The following PDE4D variants were observed in gnomAD, a reference collection of about 807,000 sequenced individuals.
PDE4D encodes 3',5'-cyclic-AMP phosphodiesterase 4D.
PDE4D carries 24 observed loss-of-function variants against 87.4 expected under a neutral mutation model. The ratio of observed to expected loss-of-function variants is 0.27; its 90% CI spans 0.20 to 0.39. The LOEUF (loss-of-function observed/expected upper bound fraction) is 0.39, where lower values mean the gene tolerates loss of function less well. Among genes scored for constraint, PDE4D ranks in the 10% least tolerant of loss-of-function variants. PDE4D has a pLI of 1.00. For missense variants in PDE4D, 714 were observed against 1,041.0 expected, an observed-to-expected ratio of 0.69 and a Z score of 4.32; for synonymous variants, 384 against 383.2, an observed-to-expected ratio of 1.00 and a Z score of -0.02.
intron 2 of PDE4D, among the ~76,000 whole-genome samples, chr5:60,163,205 C>T (rs1344242456): frequency 6.6e-6 from 1 of 152,178 alleles, no homozygotes; most frequent in East Asian, 1.9e-4. Flanking sequence ...CACTACAACA[C>T]ATAAGCGTGT....
chr5:60,208,684 T>C (rs906756604), intron 1 of PDE4D, among the ~76,000 whole-genome samples: 3 of 152,176 alleles, frequency 2.0e-5, no homozygotes, highest in African/African-American at 7.2e-5. Context: ...CCCATTGTAT[T>C]CTTATAAGCA....
At chr5:59,655,195 T>G (rs1744159666) in intron 1 of PDE4D, among the ~76,000 whole-genome samples, 1 of 152,142 alleles carries the variant, frequency 6.6e-6, no homozygotes. Flanking sequence ...CTGTCAGTAT[T>G]GGTTCAGTTT....
chr5:59,237,782 G>GA (rs1358715710), intron 1 of PDE4D, among the ~76,000 whole-genome samples: 1 of 29,464 alleles, frequency 3.4e-5, no homozygotes, highest in Non-Finnish European at 7.8e-5. Flanking sequence ...CCCTCATATA[G>GA]GTGTGTGTGT....
At chr5:60,006,244 G>GC (rs1561970779) in intron 2 of PDE4D, among the ~76,000 whole-genome samples, 3 of 151,462 alleles carry the variant, frequency 2.0e-5, no homozygotes, top group African/African-American at 4.8e-5. Context: ...TATTAGGTTG[G>GC]GCGAAAGCAA....
At chr5:60,335,604 G>T (rs1043449854) in intron 1 of PDE4D, among the ~76,000 whole-genome samples, 4 of 152,160 alleles carry the variant, frequency 2.6e-5, no homozygotes, top group African/African-American at 9.7e-5. Flanking sequence ...CAGGGTGTTG[G>T]CTAGAAGAAA....
intron 5 of PDE4D, among the ~76,000 whole-genome samples, chr5:59,113,852 C>G (rs1036084343): frequency 1.3e-5 from 2 of 152,122 alleles, no homozygotes; most frequent in African/African-American, 4.8e-5. Flanking sequence ...GAGGATTATG[C>G]AAAGTCCTTA....
intron 5 of PDE4D, among the ~76,000 whole-genome samples, chr5:59,132,408 A>G (rs1288789059): frequency 1.3e-5 from 2 of 152,178 alleles, no homozygotes; most frequent in Admixed American, 6.5e-5. Flanking sequence ...AGCGTATGTC[A>G]TGAAGGAACA....
intron 1 of PDE4D, among the ~76,000 whole-genome samples, chr5:60,468,048 G>A (rs1408422260): frequency 6.6e-6 from 1 of 151,842 alleles, no homozygotes; most frequent in African/African-American, 2.4e-5. Context: ...GTAGAACCAA[G>A]CCACTCAACC....
At chr5:59,224,020 T>C (rs1475297461) in intron 1 of PDE4D, among the ~76,000 whole-genome samples, 1 of 147,980 alleles carries the variant, frequency 6.8e-6, no homozygotes, top group East Asian at 2.0e-4. Flanking sequence ...GCATGGTGGC[T>C]CACACTTGTA....
At chr5:60,096,769 T>A (rs1336964090) in intron 2 of PDE4D, among the ~76,000 whole-genome samples, 1 of 152,088 alleles carries the variant, frequency 6.6e-6, no homozygotes, top group East Asian at 1.9e-4. Flanking sequence ...GCAATTATGA[T>A]GTTTCCAGGG....
intron 3 of PDE4D, among the ~76,000 whole-genome samples, chr5:59,189,244 G>GTTTTTTTTTTTTTT (rs1392753870): frequency 1.1e-5 from 1 of 91,388 alleles, no homozygotes; most frequent in African/African-American, 4.6e-5. Flanking sequence ...TTTTTTTTTT[G>GTTTTTTTTTTTTTT]TTTTTTTTGT....
chr5:59,268,365 A>G (rs1436493805), intron 1 of PDE4D, among the ~76,000 whole-genome samples: 2 of 152,102 alleles, frequency 1.3e-5, no homozygotes, highest in East Asian at 1.9e-4. Context: ...AAACTTGACA[A>G]AGAACTAGGC....
chr5:59,721,462 G>A (rs570277320), intron 1 of PDE4D, among the ~76,000 whole-genome samples: 1 of 152,240 alleles, frequency 6.6e-6, no homozygotes, highest in African/African-American at 2.4e-5. Context: ...ATGTGCTAGG[G>A]ACTACTGGAA....
intron 1 of PDE4D, among the ~76,000 whole-genome samples, chr5:60,247,068 C>T (rs1291964764): frequency 6.6e-6 from 1 of 151,958 alleles, no homozygotes; most frequent in Non-Finnish European, 1.5e-5. Flanking sequence ...TAAGACACAG[C>T]TTCCTTGTCT....
At chr5:59,628,629 T>C (rs1419423896) in intron 1 of PDE4D, among the ~76,000 whole-genome samples, 5 of 152,076 alleles carry the variant, frequency 3.3e-5, no homozygotes, top group Admixed American at 1.3e-4. Context: ...AAGCCCAGAA[T>C]AGAACAACCT....
At chr5:59,985,356 T>C (rs986222353) in intron 3 of PDE4D, among the ~76,000 whole-genome samples, 1 of 151,788 alleles carries the variant, frequency 6.6e-6, no homozygotes, top group African/African-American at 2.4e-5. Flanking sequence ...TTAGCCAGGA[T>C]GGTCTTGATC....
At chr5:59,414,194 A>G (rs921858444) in intron 1 of PDE4D, among the ~76,000 whole-genome samples, 3 of 152,234 alleles carry the variant, frequency 2.0e-5, no homozygotes, top group African/African-American at 7.2e-5. Context: ...AATACTCAAG[A>G]TAGTTCTGCA....
At chr5:60,356,592 A>C (rs1759644549) in intron 1 of PDE4D, among the ~76,000 whole-genome samples, 1 of 152,006 alleles carries the variant, frequency 6.6e-6, no homozygotes, top group Non-Finnish European at 1.5e-5. Flanking sequence ...CATGGCTTCA[A>C]CCTTCTTCTA....
At chr5:60,407,504 A>G (rs1316093544) in intron 1 of PDE4D, among the ~76,000 whole-genome samples, 1 of 115,334 alleles carries the variant, frequency 8.7e-6, no homozygotes, top group Non-Finnish European at 1.6e-5. Flanking sequence ...CCCAGGCTGG[A>G]GTGCAGTGGC....
Sources: allele counts gnomAD v4.1 joint callset (sites outside exome capture counted in the v4.1 genomes callset), GRCh38; gene constraint gnomAD v4.1.1; transcripts MANE v1.5; gene names NCBI Gene and HGNC (gene_info 2026-07-23, HGNC 2026-07-21).